NAALADL2: variants seen among roughly 807,000 people sequenced by gnomAD.
The protein encoded by NAALADL2 is N-acetylated alpha-linked acidic dipeptidase like 2.
In NAALADL2, 76 loss-of-function variants were observed where a neutral mutation model predicts 87.2. The observed-to-expected ratio is 0.87, with a 90% CI of 0.72 to 1.05. NAALADL2 has a LOEUF of 1.05. NAALADL2 is among the 50% of genes least tolerant of loss of function. The pLI is 0.00. For missense variants in NAALADL2, 1,089 were observed against 945.8 expected (o/e 1.15, Z -1.99); for synonymous variants, 354 against 331.0 (o/e 1.07, Z -0.75).
intron 2 of NAALADL2, among the ~76,000 whole-genome samples, chr3:174,734,437 G>C (rs1328466885): frequency 6.6e-6 from 1 of 152,120 alleles, no homozygotes; most frequent in East Asian, 1.9e-4. Context: ...CTGGATACTG[G>C]GAAGTCCAAG....
intron 5 of NAALADL2, among the ~76,000 whole-genome samples, chr3:175,364,518 G>T (rs1352338168): frequency 6.8e-6 from 1 of 147,440 alleles, no homozygotes. Flanking sequence ...TTAAATTCTT[G>T]TTTAAATTAC....
At chr3:175,633,670 AT>A (rs1728118679) in intron 11 of NAALADL2, among the ~76,000 whole-genome samples, 1 of 151,884 alleles carries the variant, frequency 6.6e-6, no homozygotes, top group Non-Finnish European at 1.5e-5. Context: ...AAATGACCTA[AT>A]TCTTCTTGTA....
intron 2 of NAALADL2, among the ~76,000 whole-genome samples, chr3:175,231,075 A>T (rs553021737): frequency 2.0e-4 from 30 of 152,190 alleles, no homozygotes; most frequent in African/African-American, 6.7e-4. Flanking sequence ...TGAGTAAAAA[A>T]GGCAAGTATG....
intron 1 of NAALADL2, among the ~76,000 whole-genome samples, chr3:174,512,061 AT>A (rs943901177): frequency 6.6e-6 from 1 of 151,810 alleles, no homozygotes; most frequent in African/African-American, 2.4e-5. Context: ...TTTATCATAC[AT>A]TTGTCATTTT....
chr3:175,413,347 G>A (rs544898464), intron 5 of NAALADL2, among the ~76,000 whole-genome samples: 2 of 150,652 alleles, frequency 1.3e-5, no homozygotes, highest in Non-Finnish European at 3.0e-5. Context: ...CGAGGAGAGC[G>A]GATCACAAAG....
At chr3:174,483,085 A>G (rs903915161) in intron 1 of NAALADL2, among the ~76,000 whole-genome samples, 7 of 152,052 alleles carry the variant, frequency 4.6e-5, no homozygotes, top group African/African-American at 1.7e-4. Flanking sequence ...CCTTGAGTAA[A>G]AACAACTGGT....
chr3:174,466,391 C>G (rs940808741), intron 1 of NAALADL2, among the ~76,000 whole-genome samples: 1 of 151,898 alleles, frequency 6.6e-6, no homozygotes, highest in Non-Finnish European at 1.5e-5. Context: ...TTGGACCCCC[C>G]CTGGGTTAGA....
chr3:174,674,244 G>T (rs1189069709), intron 2 of NAALADL2, among the ~76,000 whole-genome samples: 1 of 151,968 alleles, frequency 6.6e-6, no homozygotes, highest in Non-Finnish European at 1.5e-5. Flanking sequence ...CAAGGGGATA[G>T]CATTAAGCCA....
At chr3:174,478,775 G>A (rs1050660341) in intron 1 of NAALADL2, among the ~76,000 whole-genome samples, 2 of 152,096 alleles carry the variant, frequency 1.3e-5, no homozygotes, top group Non-Finnish European at 2.9e-5. Context: ...GCAGTGGCAG[G>A]ATCTTGGCTC....
intron 9 of NAALADL2, among the ~76,000 whole-genome samples, chr3:175,525,074 A>G (rs1231704622): frequency 1.3e-5 from 2 of 151,974 alleles, no homozygotes; most frequent in African/African-American, 4.8e-5. Flanking sequence ...TATTTAAGAT[A>G]TAAAGTGATA....
intron 9 of NAALADL2, among the ~76,000 whole-genome samples, chr3:175,510,976 C>T (rs535450590): frequency 7.2e-5 from 11 of 152,252 alleles, no homozygotes; most frequent in Admixed American, 1.3e-4. Context: ...ATGATGTTAT[C>T]GGTCCTCTCT....
intron 6 of NAALADL2, among the ~76,000 whole-genome samples, chr3:175,449,648 C>T (rs1721256133): frequency 1.3e-5 from 2 of 152,098 alleles, no homozygotes. Flanking sequence ...CCACCTCGGC[C>T]TCCCAAAGTG....
chr3:175,231,942 G>A (rs1028184630), intron 2 of NAALADL2, among the ~76,000 whole-genome samples: 1 of 151,994 alleles, frequency 6.6e-6, no homozygotes, highest in East Asian at 1.9e-4. Flanking sequence ...GAGAAAGGGG[G>A]TAGGAAAAGG....
chr3:175,285,251 G>A (rs1754839391), intron 4 of NAALADL2, among the ~76,000 whole-genome samples: 1 of 152,000 alleles, frequency 6.6e-6, no homozygotes, highest in African/African-American at 2.4e-5. Flanking sequence ...CAGAAATATT[G>A]GTTACTTGTT....
intron 13 of NAALADL2, among the ~76,000 whole-genome samples, chr3:175,800,318 C>G (rs1754000055): frequency 7.8e-6 from 1 of 128,286 alleles, no homozygotes; most frequent in Admixed American, 8.5e-5. Flanking sequence ...GTAATTTTCT[C>G]CCTCCCATAT....
chr3:175,381,239 A>G (rs1767745533), intron 5 of NAALADL2, among the ~76,000 whole-genome samples: 2 of 151,606 alleles, frequency 1.3e-5, no homozygotes, highest in South Asian at 4.2e-4. Context: ...AAATTCAAAA[A>G]CATTAATGTT....
chr3:175,288,694 C>T (rs1208599119), intron 4 of NAALADL2, among the ~76,000 whole-genome samples: 1 of 152,146 alleles, frequency 6.6e-6, no homozygotes. Flanking sequence ...CTGACTTGTC[C>T]GTTCCATGGG....
At chr3:175,159,848 C>A (rs1007895966) in intron 2 of NAALADL2, among the ~76,000 whole-genome samples, 15 of 141,320 alleles carry the variant, frequency 1.1e-4, no homozygotes, top group African/African-American at 3.6e-4. Context: ...TTTTCTTTTT[C>A]TTTTCTTTCT....
At chr3:175,698,355 G>GTATGTATACATATA (rs1183980190) in intron 11 of NAALADL2, among the ~76,000 whole-genome samples, 1 of 86,172 alleles carries the variant, frequency 1.2e-5, no homozygotes, top group African/African-American at 7.8e-5. Context: ...GTGTATTTAT[G>GTATGTATACATATA]TATGTGTATA....
Sources: allele counts gnomAD v4.1 joint callset (sites outside exome capture counted in the v4.1 genomes callset), GRCh38; gene constraint gnomAD v4.1.1; transcripts MANE v1.5; gene names NCBI Gene and HGNC (gene_info 2026-07-23, HGNC 2026-07-21).